UBAP2L: variants seen among roughly 807,000 people sequenced by gnomAD.
UBAP2L encodes ubiquitin-associated protein 2-like.
In UBAP2L, 12 loss-of-function variants were observed where a neutral mutation model predicts 130.6. The observed-to-expected ratio is 0.09, with a 90% CI of 0.06 to 0.15. The LOEUF is 0.15. Among genes scored for constraint, UBAP2L ranks in the 10% least tolerant of loss-of-function variants. The probability of loss-of-function intolerance (pLI) is 1.00; values close to 1 mark genes in which losing one functional copy is unlikely to be tolerated. For missense variants in UBAP2L, 965 were observed against 1,332.5 expected, an observed-to-expected ratio of 0.72 and a Z score of 4.29; for synonymous variants, 503 against 524.7, an observed-to-expected ratio of 0.96 and a Z score of 0.57.
At chr1:154,223,146 G>A (rs919053244) in intron 1 of UBAP2L, among the ~76,000 whole-genome samples, 1 of 152,106 alleles carries the variant, frequency 6.6e-6, no homozygotes, top group Non-Finnish European at 1.5e-5. Context: ...GTCACATTTC[G>A]AAGCACTTGT....
chr1:154,236,123 T>C (rs1307617966), intron 6 of UBAP2L, among the ~76,000 whole-genome samples: 2 of 152,218 alleles, frequency 1.3e-5, no homozygotes, highest in African/African-American at 4.8e-5. Context: ...CTATTACTGA[T>C]GTGTAACATG....
At chr1:154,246,592 G>C (rs1343956058) in intron 11 of UBAP2L, among the ~76,000 whole-genome samples, 1 of 152,198 alleles carries the variant, frequency 6.6e-6, no homozygotes, top group Non-Finnish European at 1.5e-5. Context: ...ATAAGAATAA[G>C]TTAACATTAT....
chr1:154,228,587 A>T (rs1458598750), intron 3 of UBAP2L, 28 bp from the exon 4 acceptor site: 2 of 1,551,576 alleles, frequency 1.3e-6, no homozygotes, highest in Non-Finnish European at 1.8e-6. Flanking sequence ...AAGCCTGTTC[A>T]TGATGGTTGC....
chr1:154,256,635 T>C (rs1679771529), intron 18 of UBAP2L, among the ~76,000 whole-genome samples: 1 of 152,098 alleles, frequency 6.6e-6, no homozygotes. Flanking sequence ...TGGGACCCTG[T>C]CTCAAAAAAA....
chr1:154,259,787 C>G (rs984102739), intron 21 of UBAP2L, 161 bp from the exon 22 acceptor site: 16 of 821,026 alleles, frequency 1.9e-5, no homozygotes, highest in Non-Finnish European at 3.2e-5. Context: ...ACAGTGTATG[C>G]AAGAGTAATG....
At chr1:154,257,780 A>G (rs1236185555) in intron 20 of UBAP2L, 2 of 308,144 alleles carry the variant, frequency 6.5e-6, no homozygotes, top group East Asian at 1.6e-4. Flanking sequence ...ACTGAGGCCA[A>G]CCCATCTATT....
intron 10 of UBAP2L, 91 bp downstream of exon 10, chr1:154,243,393 A>T (rs1437356368): frequency 3.7e-6 from 4 of 1,080,598 alleles, no homozygotes; most frequent in Non-Finnish European, 5.5e-6. Flanking sequence ...GTAAACTCCC[A>T]TGGTGTCAAT....
chr1:154,268,068 T>C (rs1233623308), intron 25 of UBAP2L, among the ~76,000 whole-genome samples: 1 of 151,840 alleles, frequency 6.6e-6, no homozygotes, highest in Non-Finnish European at 1.5e-5. Flanking sequence ...TTTGTGTTTT[T>C]AGTAGAGACG....
intron 4 of UBAP2L, among the ~76,000 whole-genome samples, chr1:154,233,544 C>T (rs531484144): frequency 2.0e-5 from 3 of 146,466 alleles, no homozygotes; most frequent in Non-Finnish European, 4.4e-5. Context: ...AGGCTGGTCT[C>T]AAACTCCTGC....
chr1:154,251,648 G>A lies in UBAP2L; in HGVS notation c.1659G>A (p.Thr553=). ...CTCCAAGTAGCCTGTATACCAGCACGGCCAGGTAGAGGAAACATTAACCAT... is the reference window on the plus strand; with the variant it reads ...CTCCAAGTAGCCTGTATACCAGCACAGCCAGGTAGAGGAAACATTAACCAT... ...SQAPSSLYTS[T]ASESSSTISS... The change falls in exon 14 of 27, where the codon ACG becomes ACA. Residue 553 remains threonine, a synonymous_variant. Transcript: ENST00000428931. 1.9e-6 allele frequency: 3 copies of A among 1,613,748 alleles called. No individual in the cohort carries two copies. Among genetic ancestry groups the A allele is most frequent in the Non-Finnish European group, 2.5e-6 (3 of 1,179,898 alleles).
At chr1:154,267,228 T>C (rs1425528114) in intron 25 of UBAP2L, among the ~76,000 whole-genome samples, 1 of 142,802 alleles carries the variant, frequency 7.0e-6, no homozygotes, top group East Asian at 2.3e-4. Flanking sequence ...TGATCTCGGC[T>C]CACTGCAAAC....
At chr1:154,243,134 G>C in intron 9 of UBAP2L, 83 bp from the exon 10 acceptor site, 1 of 1,125,722 alleles carries the variant, frequency 8.9e-7, no homozygotes, top group Non-Finnish European at 1.3e-6. Flanking sequence ...ACTTTTTCTT[G>C]ATGTTGAATT....
intron 25 of UBAP2L, 92 bp downstream of exon 25, chr1:154,266,660 C>A (rs1267321243): frequency 2.2e-5 from 30 of 1,349,872 alleles, no homozygotes; most frequent in Non-Finnish European, 3.2e-5. Context: ...CAAGAAGAAC[C>A]CTAGGAGAGG....
At chr1:154,220,327 G>C, upstream of UBAP2L, 2 of 1,613,598 alleles carry the variant, frequency 1.2e-6, no homozygotes, top group Non-Finnish European at 1.7e-6. Flanking sequence ...GAATGGGGTG[G>C]GGTAATCTCC....
At chr1:154,230,439 T>TG (rs1244477547) in intron 4 of UBAP2L, among the ~76,000 whole-genome samples, 1 of 152,256 alleles carries the variant, frequency 6.6e-6, no homozygotes, top group African/African-American at 2.4e-5. Context: ...GGTGGGTTTT[T>TG]TCTTCAAAAG....
chr1:154,244,246 C>T (rs1674588538), intron 10 of UBAP2L, among the ~76,000 whole-genome samples: 1 of 152,230 alleles, frequency 6.6e-6, no homozygotes, highest in South Asian at 2.1e-4. Context: ...CTCAGTTCTA[C>T]AAGAGTGCCC....
At chr1:154,250,023 C>T (rs1186500027) in intron 12 of UBAP2L, among the ~76,000 whole-genome samples, 2 of 152,030 alleles carry the variant, frequency 1.3e-5, no homozygotes, top group Admixed American at 6.6e-5. Flanking sequence ...ATCTTAAGAC[C>T]TTATACAGTA....
In UBAP2L at chr1:154,249,288, G is replaced by A. The variant is rs1456998275; in HGVS notation, c.1064G>A (p.Gly355Asp). Reference protein sequence around the residue: ...GFGDVGEAKGGSTTGSQFLEQ... With the variant: ...GFGDVGEAKGDSTTGSQFLEQ... ...GGTGATGTCGGTGAAGCTAAAGGCGGCAGTACTACAGGCTCCCAGTTCTTG... is the reference window on the plus strand; with the variant it reads ...GGTGATGTCGGTGAAGCTAAAGGCGACAGTACTACAGGCTCCCAGTTCTTG... Residue 355 changes from glycine to aspartate, a missense_variant, in exon 12 of 27, where the codon GGC (glycine) becomes GAC (aspartate). By Grantham distance (94) the Gly-to-Asp change is moderately conservative. This residue lies in a region of UBAP2L where 99 missense variants were observed against 106.4 expected (regional missense o/e 0.93). Transcript: ENST00000428931. 6.2e-7 allele frequency: 1 copy of A among 1,614,012 alleles called. No individual in the cohort carries two copies. The highest frequency in any genetic ancestry group is 8.5e-7 in the Non-Finnish European group (1 of 1,180,026).
upstream of UBAP2L, chr1:154,220,507 T>A (rs1665522513): frequency 7.4e-7 from 1 of 1,350,238 alleles, no homozygotes; most frequent in East Asian, 2.3e-5. Context: ...CCCCTGGAGC[T>A]CCCCGGCCAT....
Sources: allele counts gnomAD v4.1 joint callset (sites outside exome capture counted in the v4.1 genomes callset), GRCh38; gene constraint gnomAD v4.1.1; regional missense constraint gnomAD v4.1.1; transcripts MANE v1.5; gene names NCBI Gene and HGNC (gene_info 2026-07-23, HGNC 2026-07-21).